ENOX1: variants seen among roughly 807,000 people sequenced by gnomAD.
ENOX1 encodes ecto-NOX disulfide-thiol exchanger 1.
ENOX1 carries 42 observed loss-of-function variants against 82.5 expected under a neutral mutation model. The ratio of observed to expected loss-of-function variants is 0.51; its 90% confidence interval spans 0.40 to 0.66. The LOEUF (loss-of-function observed/expected upper bound fraction) is 0.66, where lower values mean the gene tolerates loss of function less well. Among genes scored for constraint, ENOX1 ranks in the 30% least tolerant of loss-of-function variants. The pLI is 0.00. For missense variants in ENOX1, 608 were observed against 811.6 expected (o/e 0.75, Z 3.05); for synonymous variants, 271 against 282.2 (o/e 0.96, Z 0.40).
chr13:43,348,843 G>C (rs1393947186), intron 8 of ENOX1, among the ~76,000 whole-genome samples: 2 of 152,208 alleles, frequency 1.3e-5, no homozygotes, highest in Non-Finnish European at 2.9e-5. Flanking sequence ...TCCTTTACGT[G>C]AAAAGGTAAA....
chr13:43,285,855 TTTC>T (rs995344458), intron 12 of ENOX1, among the ~76,000 whole-genome samples: 14 of 144,020 alleles, frequency 9.7e-5, no homozygotes, highest in Non-Finnish European at 1.7e-4. Context: ...CCTCTTCTTC[TTTC>T]TTCTTTGTTC....
Position 43,356,042 on chromosome 13 carries a change from T to A in ENOX1, c.700A>T (p.Met234Leu). ...DFYEWECKQR[M>L]RAREERHRRK... ...CGGTGCCGCTCCTCCCGGGCACGCA[T>A]CCTCTGCTTGCATTCCCACTCATAG... The change falls in exon 8 of 17, where the codon ATG (methionine) becomes TTG (leucine). Residue 234 changes from methionine (M) to leucine (L), a missense_variant. Physicochemically the swap from Met to Leu is conservative, Grantham distance 15. Transcript: ENST00000690772. 2 of 1,614,192 alleles carry A rather than the reference T, an allele frequency of 1.2e-6. No individual in the cohort carries two copies. The highest frequency in any genetic ancestry group is 8.5e-7 in the Non-Finnish European group (1 of 1,180,032).
chr13:43,723,384 T>C (rs1363394387), intron 1 of ENOX1, among the ~76,000 whole-genome samples: 1 of 152,158 alleles, frequency 6.6e-6, no homozygotes, highest in Non-Finnish European at 1.5e-5. Flanking sequence ...TCATTTAACA[T>C]TTCCATTGTC....
chr13:43,413,097 AGTCTCAG>A, intron 3 of ENOX1, 109 bp from the exon 4 acceptor site: 1 of 1,134,504 alleles, frequency 8.8e-7, no homozygotes, highest in Non-Finnish European at 1.2e-6. Context: ...ACCGATTTCC[AGTCTCAG>A]GCACAGAAGA....
rs2058481244 is a variant in ENOX1, at chr13:43,480,899, C to G, written c.-75+3110G>C. 2.6e-5 allele frequency among the ~76,000 whole-genome samples: 4 copies of G among 152,114 alleles called. No individual in the cohort carries two copies. The South Asian group carries it at 8.3e-4, about 32-fold the overall frequency. ...AAAAGTCCTATATCAGATAGCTTCACCAGATCATTCTACCAAACATTTAAA... is the reference window on the plus strand; with the variant it reads ...AAAAGTCCTATATCAGATAGCTTCAGCAGATCATTCTACCAAACATTTAAA... On this transcript the variant is annotated intron_variant, in intron 3 of 16. Transcript: ENST00000690772.
chr13:43,704,358 A>C (rs369782796), intron 1 of ENOX1, among the ~76,000 whole-genome samples: 1 of 152,190 alleles, frequency 6.6e-6, no homozygotes, highest in South Asian at 2.1e-4. Context: ...AGCTTATAAC[A>C]GACTAACACT....
intron 2 of ENOX1, among the ~76,000 whole-genome samples, chr13:43,651,410 T>C (rs532622230): frequency 6.6e-6 from 1 of 152,176 alleles, no homozygotes; most frequent in Non-Finnish European, 1.5e-5. Flanking sequence ...AGACTTCACT[T>C]TGAGGCCGGG....
chr13:43,252,112 A>G lies in ENOX1; in HGVS notation c.1611+13286T>C, dbSNP rs78046208. ...AAATTAGATTCTGCAAGTCTCAAAC[A>G]TAAGTAGCTCACCAGCGTACACTGA... On this transcript the variant is annotated intron_variant, in intron 14 of 16. Coordinates refer to ENST00000690772, the MANE Select transcript of ENOX1 (RefSeq NM_001347969.2). Among the ~76,000 whole-genome samples the G allele has an allele frequency of 6.6e-4, 101 of 152,344 alleles. 1 individual carries two copies. The highest frequency in any genetic ancestry group is 2.3e-3 in the African/African-American group (97 of 41,584).
intron 9 of ENOX1, among the ~76,000 whole-genome samples, chr13:43,343,297 T>A (rs1163064856): frequency 6.6e-6 from 1 of 152,210 alleles, no homozygotes; most frequent in Non-Finnish European, 1.5e-5. Flanking sequence ...CTATCCCTAA[T>A]AACCTTAGAG....
chr13:43,322,605 G>T, intron 10 of ENOX1, 104 bp from the exon 11 acceptor site: 1 of 940,768 alleles, frequency 1.1e-6, no homozygotes, highest in Non-Finnish European at 1.6e-6. Context: ...AGAATCCAAA[G>T]CTTTTATCTC....
chr13:43,764,615 C>G (rs1951166383), intron 1 of ENOX1, among the ~76,000 whole-genome samples: 1 of 151,724 alleles, frequency 6.6e-6, no homozygotes, highest in African/African-American at 2.4e-5. Flanking sequence ...ACTAAGATAA[C>G]ATCATGGCTC....
chr13:43,226,598 G>C (rs919774915), intron 15 of ENOX1, among the ~76,000 whole-genome samples: 7 of 152,180 alleles, frequency 4.6e-5, no homozygotes, highest in African/African-American at 1.7e-4. Flanking sequence ...TTTCACGATG[G>C]TGAGTGGGGC....
chr13:43,578,178 C>A (rs2080529910), intron 2 of ENOX1, among the ~76,000 whole-genome samples: 1 of 152,028 alleles, frequency 6.6e-6, no homozygotes, highest in African/African-American at 2.4e-5. Flanking sequence ...GCCCTAAACA[C>A]AATTTGGGAA....
chr13:43,303,611 A>C lies in ENOX1; in HGVS notation c.1262-5081T>G, dbSNP rs527753526. Among the ~76,000 whole-genome samples the C allele has an allele frequency of 2.0e-5, 3 of 152,194 alleles. No homozygotes were observed. In the South Asian group the frequency reaches 6.2e-4, roughly 32 times the overall value. On this transcript the variant is annotated intron_variant, in intron 11 of 16. Transcript: ENST00000690772. ...TAGGCTTGGGTCTCTGAGTCACCACATGGAGGAAAGGTGCCCACAGGCCCA... is the reference window on the plus strand; with the variant it reads ...TAGGCTTGGGTCTCTGAGTCACCACCTGGAGGAAAGGTGCCCACAGGCCCA...
At chr13:43,551,696 T>A (rs536801811) in intron 2 of ENOX1, among the ~76,000 whole-genome samples, 1 of 152,266 alleles carries the variant, frequency 6.6e-6, no homozygotes, top group South Asian at 2.1e-4. Context: ...TTTCACCCGA[T>A]CATGATGGCA....
chr13:43,403,015 T>G (rs1411840100), intron 5 of ENOX1, among the ~76,000 whole-genome samples: 3 of 152,120 alleles, frequency 2.0e-5, no homozygotes, highest in African/African-American at 7.2e-5. Context: ...ATTTGTGATA[T>G]ATACACATAC....
At chr13:43,381,761 A>C (rs908238541) in intron 5 of ENOX1, among the ~76,000 whole-genome samples, 4 of 151,994 alleles carry the variant, frequency 2.6e-5, no homozygotes, top group African/African-American at 7.2e-5. Flanking sequence ...TAAATTTAAC[A>C]ACTTGGAATA....
At chr13:43,604,982 A>G (rs1441300900) in intron 2 of ENOX1, among the ~76,000 whole-genome samples, 1 of 152,202 alleles carries the variant, frequency 6.6e-6, no homozygotes, top group Non-Finnish European at 1.5e-5. Flanking sequence ...ACAATCTGAA[A>G]AAGAAATCTA....
At chr13:43,391,260 C>T (rs1442871656) in intron 5 of ENOX1, among the ~76,000 whole-genome samples, 1 of 152,128 alleles carries the variant, frequency 6.6e-6, no homozygotes, top group African/African-American at 2.4e-5. Context: ...CCTCTCAACC[C>T]CCTTTGCTGG....
Sources: allele counts gnomAD v4.1 joint callset (sites outside exome capture counted in the v4.1 genomes callset), GRCh38; gene constraint gnomAD v4.1.1; transcripts MANE v1.5; gene names NCBI Gene and HGNC (gene_info 2026-07-23, HGNC 2026-07-21).